Variants in ENPP6 observed in about 807,000 individuals in gnomAD.
The protein encoded by ENPP6 is glycerophosphocholine cholinephosphodiesterase ENPP6.
A neutral mutation model predicts 42.0 loss-of-function variants in ENPP6; 32 were observed. The observed-to-expected ratio is 0.76, with a 90% CI of 0.58 to 1.02. The LOEUF (loss-of-function observed/expected upper bound fraction) is 1.02, where lower values mean the gene tolerates loss of function less well. Ranked by LOEUF, ENPP6 falls within the 50% of genes least tolerant of loss-of-function variation. The pLI is 0.00. For missense variants in ENPP6, 552 were observed against 566.8 expected, an observed-to-expected ratio of 0.97 and a Z score of 0.27; for synonymous variants, 213 against 216.0, an observed-to-expected ratio of 0.99 and a Z score of 0.12.
chr4:184,111,449 T>A (rs9968479), intron 6 of ENPP6, among the ~76,000 whole-genome samples: 94,335 of 152,074 alleles, frequency 0.62, 29,619 homozygotes, highest in African/African-American at 0.7. Flanking sequence ...CAAACCACTC[T>A]AAGTGATGAT....
intron 1 of ENPP6, among the ~76,000 whole-genome samples, chr4:184,205,676 G>A (rs563269353): frequency 6.6e-6 from 1 of 152,132 alleles, no homozygotes; most frequent in Non-Finnish European, 1.5e-5. Context: ...AAACAGGGCT[G>A]CTCTAGTTGT....
At chr4:184,213,118 C>T (rs1471748274) in intron 1 of ENPP6, among the ~76,000 whole-genome samples, 1 of 151,910 alleles carries the variant, frequency 6.6e-6, no homozygotes, top group Non-Finnish European at 1.5e-5. Context: ...AAACGTTAGA[C>T]CTAAAACCAT....
At chr4:184,147,422 A>C (rs1163913780) in intron 2 of ENPP6, among the ~76,000 whole-genome samples, 1 of 151,906 alleles carries the variant, frequency 6.6e-6, no homozygotes, top group Non-Finnish European at 1.5e-5. Context: ...TTCAAAATGC[A>C]AGTATGATGC....
chr4:184,144,509 G>A (rs1351749792), intron 2 of ENPP6, among the ~76,000 whole-genome samples: 6 of 152,210 alleles, frequency 3.9e-5, no homozygotes, highest in African/African-American at 1.4e-4. Context: ...ACGGATCGGG[G>A]GCAGCCTTTC....
intron 2 of ENPP6, among the ~76,000 whole-genome samples, chr4:184,136,552 T>C (rs1736732868): frequency 6.6e-6 from 1 of 152,208 alleles, no homozygotes; most frequent in Non-Finnish European, 1.5e-5. Context: ...TATCTCTATA[T>C]TTTCTATGGT....
At position 184,090,732 on chromosome 4, in the gene ENPP6, T is replaced by C. The variant is rs1735774130; in HGVS notation, c.*445A>G. 3.1e-6 allele frequency: 1 copy of C among 324,792 alleles called. No individual in the cohort carries two copies. The highest frequency in any genetic ancestry group is 4.8e-5 in the Admixed American group (1 of 20,924). 20.1% of individuals were successfully genotyped at this position (324,792 alleles called of 1,614,324 possible). ...GGATGGAAGGAACAGTACAGGATTG[T>C]GGCCACAGACACTGAGGATGGCTCC... On this transcript the variant is annotated 3_prime_UTR_variant, in exon 8 of 8. Coordinates refer to ENST00000296741, the MANE Select transcript of ENPP6 (RefSeq NM_153343.4).
At chr4:184,177,732 A>G (rs770340842) in intron 1 of ENPP6, among the ~76,000 whole-genome samples, 2 of 152,206 alleles carry the variant, frequency 1.3e-5, no homozygotes, top group Non-Finnish European at 2.9e-5. Flanking sequence ...ACCCAAGCGA[A>G]TGGAGTCTGG....
At chr4:184,122,162 C>T (rs1736426057) in intron 3 of ENPP6, among the ~76,000 whole-genome samples, 2 of 152,176 alleles carry the variant, frequency 1.3e-5, no homozygotes, top group South Asian at 4.1e-4. Flanking sequence ...ACCTGGTTTC[C>T]ATCCGACCCA....
At chr4:184,162,085 C>T (rs576196530) in intron 1 of ENPP6, among the ~76,000 whole-genome samples, 2 of 152,094 alleles carry the variant, frequency 1.3e-5, no homozygotes, top group East Asian at 1.9e-4. Flanking sequence ...CAACTGCCCC[C>T]CTCCCCGCAT....
At chr4:184,138,288 T>C (rs1736763294) in intron 2 of ENPP6, among the ~76,000 whole-genome samples, 1 of 152,248 alleles carries the variant, frequency 6.6e-6, no homozygotes, top group Admixed American at 6.5e-5. Context: ...TTTGTACCAA[T>C]GTCATTTAAT....
chr4:184,144,745 G>A (rs1736890309), intron 2 of ENPP6, among the ~76,000 whole-genome samples: 1 of 152,228 alleles, frequency 6.6e-6, no homozygotes, highest in South Asian at 2.1e-4. Context: ...GCTCCGAGCA[G>A]GCAGGACACT....
At chr4:184,113,965 C>CTG (rs1560982025) in intron 5 of ENPP6, among the ~76,000 whole-genome samples, 1 of 36,472 alleles carries the variant, frequency 2.7e-5, no homozygotes, top group African/African-American at 9.7e-5. Context: ...CTTTCTTTCT[C>CTG]TCTTTCTTTC....
intron 1 of ENPP6, among the ~76,000 whole-genome samples, chr4:184,186,299 A>G (rs1732633354): frequency 6.6e-6 from 1 of 152,258 alleles, no homozygotes; most frequent in South Asian, 2.1e-4. Flanking sequence ...TATGCTCAGT[A>G]AAAGAATCAA....
intron 1 of ENPP6, among the ~76,000 whole-genome samples, chr4:184,189,788 C>T (rs9685155): frequency 0.05 from 7,548 of 152,212 alleles, 584 homozygotes; most frequent in African/African-American, 0.17. Context: ...GAGTAGAACC[C>T]GTGTCTCCCA....
chr4:184,112,209 T>C, intron 6 of ENPP6, among the ~76,000 whole-genome samples: 1 of 152,026 alleles, frequency 6.6e-6, no homozygotes, highest in East Asian at 1.9e-4. Context: ...GCAATTAAGG[T>C]TTGGACAAAA....
At chr4:184,217,093 C>G (rs759339503) in intron 1 of ENPP6, 1 of 152,784 alleles carries the variant, frequency 6.5e-6, no homozygotes. Flanking sequence ...CCAAGTAATC[C>G]GGGAGCACCA....
chr4:184,131,205 T>TTTCTTTC (rs1579625480), intron 2 of ENPP6, among the ~76,000 whole-genome samples: 11 of 65,978 alleles, frequency 1.7e-4, no homozygotes, highest in African/African-American at 2.9e-4. Flanking sequence ...TTCTTTCTTC[T>TTTCTTTC]TTCTTTCTTT....
intron 1 of ENPP6, among the ~76,000 whole-genome samples, chr4:184,156,601 G>T (rs1737162728): frequency 6.6e-6 from 1 of 152,190 alleles, no homozygotes; most frequent in Non-Finnish European, 1.5e-5. Context: ...AAACTTTCCT[G>T]ACATCCTCCA....
intron 1 of ENPP6, among the ~76,000 whole-genome samples, chr4:184,188,569 T>C (rs1732670868): frequency 3.3e-5 from 5 of 152,126 alleles, no homozygotes; most frequent in Admixed American, 3.3e-4. Context: ...ATCAGCTCCA[T>C]GAGACCACAC....
Sources: gnomAD v4.1 joint callset for allele counts (sites outside exome capture counted in the v4.1 genomes callset) on GRCh38, gnomAD v4.1.1 for gene constraint, MANE v1.5 for transcripts, NCBI Gene and HGNC (gene_info 2026-07-23, HGNC 2026-07-21) for gene names.